Variants in LRRK2 observed in about 807,000 individuals in gnomAD.
LRRK2 encodes the protein leucine rich repeat kinase 2.
A neutral mutation model predicts 302.6 loss-of-function variants in LRRK2; 203 were observed. The observed-to-expected ratio is 0.67, with a 90% CI of 0.60 to 0.75. The LOEUF is 0.75. Ranked by LOEUF, LRRK2 falls within the 30% of genes least tolerant of loss-of-function variation. The probability of loss-of-function intolerance (pLI) is 0.00; values close to 1 mark genes in which losing one functional copy is unlikely to be tolerated. For missense variants in LRRK2, 2,830 were observed against 2,951.0 expected (o/e 0.96, Z 0.95); for synonymous variants, 1,066 against 1,031.9 (o/e 1.03, Z -0.63).
intron 25 of LRRK2, among the ~76,000 whole-genome samples, chr12:40,299,931 T>A (rs183103284): frequency 6.6e-6 from 1 of 152,220 alleles, no homozygotes; most frequent in East Asian, 1.9e-4. Context: ...GTCTATAATT[T>A]AAAAAAATTA....
At chr12:40,239,296 G>T (rs1182104792) in intron 5 of LRRK2, among the ~76,000 whole-genome samples, 2 of 152,258 alleles carry the variant, frequency 1.3e-5, no homozygotes, top group East Asian at 3.9e-4. Context: ...TGAAGTAGAA[G>T]ATAGTTTACA....
intron 22 of LRRK2, 35 bp downstream of exon 22, chr12:40,294,949 AT>A: frequency 7.7e-7 from 1 of 1,299,588 alleles, no homozygotes; most frequent in Non-Finnish European, 1.1e-6. Flanking sequence ...GTAAATAGAT[AT>A]TTTGGGCAGA....
At position 40,309,244 on chromosome 12, in the gene LRRK2, C is replaced by T. The variant is rs771302880; in HGVS notation, c.4317+11C>T. ...CTCTTCAATATAAAGGTGATTTGTTCTGATCATTTGAAAATAGAAAATAAT... is the reference window on the plus strand; with the variant it reads ...CTCTTCAATATAAAGGTGATTTGTTTTGATCATTTGAAAATAGAAAATAAT... On this transcript the variant is annotated intron_variant, in intron 30 of 50. Transcript: ENST00000298910. The T allele has an allele frequency of 1.6e-5, 26 of 1,612,056 alleles. No homozygotes were observed. Among genetic ancestry groups the T allele is most frequent in the Non-Finnish European group, 1.8e-5 (21 of 1,179,340 alleles).
chr12:40,290,970 A>T (rs1446869894), intron 20 of LRRK2, among the ~76,000 whole-genome samples: 1 of 152,086 alleles, frequency 6.6e-6, no homozygotes, highest in African/African-American at 2.4e-5. Context: ...TATCACTTTC[A>T]CTGCATCCCA....
intron 43 of LRRK2, among the ~76,000 whole-genome samples, chr12:40,350,994 C>G (rs984553665): frequency 6.6e-6 from 1 of 152,130 alleles, no homozygotes; most frequent in African/African-American, 2.4e-5. Context: ...TTCTTGGTGT[C>G]TCCTGAGTGG....
At chr12:40,244,286 T>C (rs1437289978) in intron 7 of LRRK2, among the ~76,000 whole-genome samples, 1 of 152,214 alleles carries the variant, frequency 6.6e-6, no homozygotes, top group Non-Finnish European at 1.5e-5. Context: ...TCATACTGTA[T>C]GTTGTCTTCT....
rs755678786 is a variant in LRRK2 at position 40,305,775 on chromosome 12, T to C, written c.3778-10T>C. The C allele has an allele frequency of 1.6e-5, 25 of 1,612,898 alleles. No individual in the cohort carries two copies. The highest frequency in any genetic ancestry group is 2.2e-5 in the South Asian group (2 of 91,052). On this transcript the variant is annotated splice_polypyrimidine_tract_variant and intron_variant, in intron 27 of 50. Transcript: ENST00000298910. The stretch of plus-strand genomic sequence containing the variant: ...CACCAACAGGTTTTGCCCTTTTTTT[T>C]CCCATTAAGATTCCTCCTGAGATTG...
intron 13 of LRRK2, among the ~76,000 whole-genome samples, chr12:40,261,707 T>A (rs1477870576): frequency 6.6e-6 from 1 of 152,178 alleles, no homozygotes; most frequent in East Asian, 1.9e-4. Context: ...TGATTCTGGT[T>A]TGAACATGTT....
chr12:40,323,262 A>G lies in LRRK2; in HGVS notation c.5612A>G (p.Asn1871Ser). ...GACCTGCCTAGAAATATTATGTTGAATAATGATGAGTTGGAATTTGAACAA... is the reference window on the plus strand; with the variant it reads ...GACCTGCCTAGAAATATTATGTTGAGTAATGATGAGTTGGAATTTGAACAA... ...LADLPRNIMLNNDELEFEQAP... is the reference protein window; with the variant it reads ...LADLPRNIMLSNDELEFEQAP... The change falls in exon 38 of 51, where the codon AAT becomes AGT. Residue 1871 changes from asparagine to serine, a missense_variant. Asn to Ser is a conservative substitution (Grantham distance 46). Around this residue, in one of 3 missense-constraint regions of LRRK2, gnomAD observed 253 missense variants for 346.7 expected, o/e 0.73. Coordinates refer to ENST00000298910, the MANE Select transcript of LRRK2 (RefSeq NM_198578.4). 6.2e-7 allele frequency: 1 copy of G among 1,613,142 alleles called. No homozygotes were observed. Among genetic ancestry groups the G allele is most frequent in the Non-Finnish European group, 8.5e-7 (1 of 1,179,382 alleles).
intron 13 of LRRK2, among the ~76,000 whole-genome samples, chr12:40,261,500 A>G (rs17443539): frequency 5.5e-4 from 84 of 152,266 alleles, no homozygotes; most frequent in South Asian, 3.7e-3. Flanking sequence ...TACATTTTAT[A>G]AGCATATCAG....
At chr12:40,245,498 A>G (rs1310884289) in intron 7 of LRRK2, among the ~76,000 whole-genome samples, 1 of 152,100 alleles carries the variant, frequency 6.6e-6, no homozygotes, top group Non-Finnish European at 1.5e-5. Context: ...GTCACCATAC[A>G]TTCTTTTTTA....
At chr12:40,315,444 A>G (rs1945185570) in intron 33 of LRRK2, 144 bp downstream of exon 33, 3 of 721,514 alleles carry the variant, frequency 4.2e-6, no homozygotes, top group Non-Finnish European at 5.1e-6. Flanking sequence ...CATTTCACAT[A>G]GAAGACTACT....
At chr12:40,348,732 T>C (rs1946267814) in intron 43 of LRRK2, among the ~76,000 whole-genome samples, 1 of 152,160 alleles carries the variant, frequency 6.6e-6, no homozygotes, top group South Asian at 2.1e-4. Flanking sequence ...TTCTCTTCTT[T>C]GAAATGCCTG....
chr12:40,360,528 A>G (rs1389708733), intron 47 of LRRK2, among the ~76,000 whole-genome samples: 2 of 152,034 alleles, frequency 1.3e-5, no homozygotes, highest in South Asian at 2.1e-4. Context: ...CATTAACAAG[A>G]GCATCCAGTT....
rs1293353544 is a variant in LRRK2, at chr12:40,263,905, T to A, written c.1656+4T>A. The A allele has an allele frequency of 6.3e-7, 1 of 1,586,776 alleles. No individual in the cohort carries two copies. Among genetic ancestry groups the A allele is most frequent in the Admixed American group, 1.7e-5 (1 of 59,928 alleles). On this transcript the variant is annotated splice_donor_region_variant and intron_variant, in intron 14 of 50. Coordinates refer to ENST00000298910, the MANE Select transcript of LRRK2 (RefSeq NM_198578.4). ...GGTCCTAGCAGCTTTGAACAGGGTA[T>A]GTTGAATATAAGTTTTCTGTATTTA...
In LRRK2 at chr12:40,240,758, ATTTAC is replaced by A. The variant is rs1941686011; in HGVS notation, c.706+142_706+146del. On this transcript the variant is annotated intron_variant, in intron 6 of 50. Transcript: ENST00000298910. Reference sequence around the variant, plus strand: ...ATTCATTCATTTATTCATTTAATTAATTTACATTCACTGACATTATACTGAAGTTG... The same window carrying A: ...ATTCATTCATTTATTCATTTAATTAAATTCACTGACATTATACTGAAGTTG... 3 of 912,048 alleles carry A rather than the reference ATTTAC, an allele frequency of 3.3e-6. No individual in the cohort carries two copies. In the Admixed American group the frequency reaches 7.1e-5, roughly 22 times the overall value. 56.5% of individuals were successfully genotyped at this position (912,048 alleles called of 1,614,324 possible).
Position 40,347,579 on chromosome 12 carries a change from A to G in LRRK2, c.6280+656A>G, listed in dbSNP as rs113849718. 3.9e-5 allele frequency among the ~76,000 whole-genome samples: 6 copies of G among 152,352 alleles called. 1 individual carries two copies. Among genetic ancestry groups the G allele is most frequent in the African/African-American group, 1.2e-4 (5 of 41,582 alleles). ...TATCTTTTTTGGGTATAACTTCAAG[A>G]TCATGGCAAAAGAAAACTTATTATT... On this transcript the variant is annotated intron_variant, in intron 42 of 50. Coordinates refer to ENST00000298910, the MANE Select transcript of LRRK2 (RefSeq NM_198578.4).
intron 27 of LRRK2, chr12:40,304,734 A>C (rs533233326): frequency 6.6e-6 from 1 of 152,306 alleles, no homozygotes; most frequent in African/African-American, 2.4e-5. Flanking sequence ...AATTCAAAAT[A>C]AGCATTGTAA....
At chr12:40,318,965 A>C (rs1945314976) in intron 33 of LRRK2, among the ~76,000 whole-genome samples, 2 of 152,100 alleles carry the variant, frequency 1.3e-5, no homozygotes, top group Non-Finnish European at 2.9e-5. Flanking sequence ...GTACATACAA[A>C]ATAGAAATAC....
Sources: gnomAD v4.1 joint callset for allele counts (sites outside exome capture counted in the v4.1 genomes callset) on GRCh38, gnomAD v4.1.1 for gene constraint, gnomAD v4.1.1 regional missense constraint, MANE v1.5 for transcripts, NCBI Gene and HGNC (gene_info 2026-07-23, HGNC 2026-07-21) for gene names.